The following MAP4 variants were observed in gnomAD, a reference collection of about 807,000 sequenced individuals.
MAP4 encodes microtubule-associated protein 4.
Under a neutral mutation model 170.2 loss-of-function variants are expected in MAP4, and 76 were observed. That is an observed-to-expected ratio of 0.45 (90% confidence interval 0.37 to 0.54). MAP4 has a LOEUF of 0.54. MAP4 is among the 20% of genes least tolerant of loss of function. The pLI is 0.00. For synonymous variants in MAP4, 909 were observed against 994.5 expected, an observed-to-expected ratio of 0.91 and a Z score of 1.62; for missense variants, 2,506 against 2,748.0, an observed-to-expected ratio of 0.91 and a Z score of 1.97.
intron 1 of MAP4, among the ~76,000 whole-genome samples, chr3:48,002,991 A>AAATAAATT (rs1393173347): frequency 1.0e-4 from 15 of 150,546 alleles, no homozygotes; most frequent in African/African-American, 1.7e-4. Context: ...ATAAATAAAT[A>AAATAAATT]AATTTAATTC....
At position 47,871,228 on chromosome 3, in the gene MAP4, T is replaced by TGGTAATACA. The variant is rs1559839871; in HGVS notation, c.5999_6000insTGTATTACC (p.Pro2000_Ala2001insValLeuPro). The TGGTAATACA allele has an allele frequency of 6.2e-7, 1 of 1,614,228 alleles. No homozygotes were observed. The highest frequency in any genetic ancestry group is 1.7e-5 in the Admixed American group (1 of 60,036). ...ACAAAATGGCGGATGGGCTATTACC[T>TGGTAATACA]GGTACAGACTTTGCAGTCATCTTCT... On this transcript the variant is annotated inframe_insertion and splice_region_variant, in exon 14 of 21. Coordinates refer to ENST00000683076, the MANE Select transcript of MAP4 (RefSeq NM_001385682.1).
Position 47,857,466 on chromosome 3 carries a change from T to G in MAP4, c.6548A>C (p.Lys2183Thr). The G allele has an allele frequency of 1.9e-6, 3 of 1,614,128 alleles. No individual in the cohort carries two copies. Among genetic ancestry groups the G allele is most frequent in the Non-Finnish European group, 2.5e-6 (3 of 1,179,986 alleles). ...KKVDISKVSS[K>T]CGSKANIKHK... Reference sequence around the variant, plus strand: ...CTTGATGTTAGCCTTAGACCCACACTTGGAGGAGACCTTAGAGATGTCCAC... The same window carrying G: ...CTTGATGTTAGCCTTAGACCCACACGTGGAGGAGACCTTAGAGATGTCCAC... The change falls in exon 18 of 21, where the codon AAG becomes ACG. Residue 2183 changes from lysine (K) to threonine (T), a missense_variant. By Grantham distance (78) the Lys-to-Thr change is moderately conservative. This residue lies in a region of MAP4 where 487 missense variants were observed against 511.6 expected (regional missense o/e 0.95). Transcript: ENST00000683076.
chr3:47,885,555 A>AT (rs1392285273), intron 10 of MAP4, among the ~76,000 whole-genome samples: 1 of 152,188 alleles, frequency 6.6e-6, no homozygotes, highest in African/African-American at 2.4e-5. Flanking sequence ...GCAGAAAACA[A>AT]TGAGATGATA....
chr3:47,968,103 A>G (rs1297205072), intron 3 of MAP4, among the ~76,000 whole-genome samples: 1 of 152,222 alleles, frequency 6.6e-6, no homozygotes, highest in Non-Finnish European at 1.5e-5. Flanking sequence ...TGAGAAATGT[A>G]AAAAGCATGT....
intron 1 of MAP4, among the ~76,000 whole-genome samples, chr3:48,057,774 G>A (rs2100133042): frequency 6.6e-6 from 1 of 152,108 alleles, no homozygotes; most frequent in Admixed American, 6.5e-5. Context: ...TCAATACCCT[G>A]GTTGTGATAT....
At chr3:48,005,205 C>CA (rs1350732748) in intron 1 of MAP4, among the ~76,000 whole-genome samples, 1 of 151,962 alleles carries the variant, frequency 6.6e-6, no homozygotes, top group East Asian at 1.9e-4. Flanking sequence ...ACTAAAAATA[C>CA]AAAAAATTAG....
intron 10 of MAP4, chr3:47,891,081 C>T: frequency 6.5e-7 from 1 of 1,534,024 alleles, no homozygotes; most frequent in Middle Eastern, 1.7e-4. Context: ...GCAGTGACCT[C>T]AATTTCTTTC....
At chr3:47,992,494 T>C (rs951293311) in intron 2 of MAP4, among the ~76,000 whole-genome samples, 4 of 152,106 alleles carry the variant, frequency 2.6e-5, no homozygotes, top group African/African-American at 4.8e-5. Context: ...GGTGCTTTTA[T>C]GGCTCACTGC....
At chr3:48,087,001 CCT>C (rs2100149393) in intron 1 of MAP4, among the ~76,000 whole-genome samples, 1 of 152,182 alleles carries the variant, frequency 6.6e-6, no homozygotes. Context: ...ATCTGTGTGA[CCT>C]CTTCTTCCCA....
At chr3:47,944,106 T>C (rs1469700522) in intron 3 of MAP4, among the ~76,000 whole-genome samples, 1 of 151,824 alleles carries the variant, frequency 6.6e-6, no homozygotes, top group Non-Finnish European at 1.5e-5. Context: ...GGTCAGGAGA[T>C]CAAGAACAGC....
chr3:47,939,015 G>C (rs973348403), intron 3 of MAP4, among the ~76,000 whole-genome samples: 1 of 152,198 alleles, frequency 6.6e-6, no homozygotes, highest in African/African-American at 2.4e-5. Flanking sequence ...GGAAAGTCAT[G>C]CAGTAAGTAT....
chr3:48,043,210 T>C (rs1232476638), intron 1 of MAP4, among the ~76,000 whole-genome samples: 1 of 152,138 alleles, frequency 6.6e-6, no homozygotes, highest in African/African-American at 2.4e-5. Flanking sequence ...AAGCGATTCT[T>C]GTGCCTCAGC....
intron 1 of MAP4, among the ~76,000 whole-genome samples, chr3:48,041,372 A>G (rs997751769): frequency 1.3e-5 from 2 of 152,108 alleles, no homozygotes; most frequent in Admixed American, 6.6e-5. Flanking sequence ...TTGGCCTCCC[A>G]AAGTGCTGAG....
intron 2 of MAP4, among the ~76,000 whole-genome samples, chr3:47,995,781 G>T (rs2100095211): frequency 6.6e-6 from 1 of 152,076 alleles, no homozygotes; most frequent in African/African-American, 2.4e-5. Flanking sequence ...CTAGTAGTAT[G>T]AAATCCAAAG....
intron 1 of MAP4, among the ~76,000 whole-genome samples, chr3:48,062,494 TAAAA>T (rs1156947592): frequency 3.7e-5 from 3 of 81,554 alleles, no homozygotes; most frequent in East Asian, 7.0e-4. Context: ...GAATGATCAA[TAAAA>T]AAAAAAAAAA....
intron 15 of MAP4, 73 bp downstream of exon 15, chr3:47,870,739 TG>T: frequency 6.9e-7 from 1 of 1,439,610 alleles, no homozygotes; most frequent in Non-Finnish European, 9.3e-7. Context: ...TTGGTGGGCC[TG>T]GGAACAGTGG....
chr3:47,912,095 T>A lies in MAP4; in HGVS notation c.2326A>T (p.Lys776Ter). ...IMMKKKKKKPKQKRYSQPRAG... is the reference protein window; with the variant it reads ...IMMKKKKKKP Reference sequence around the variant, plus strand: ...CGTGGTTGAGAATATCTCTTTTGCTTTGGTTTCTTCTTCTTTTTCTTCATC... The same window carrying A: ...CGTGGTTGAGAATATCTCTTTTGCTATGGTTTCTTCTTCTTTTTCTTCATC... Residue 776 changes from lysine (K) to a stop codon, truncating the protein, a stop_gained, in exon 9 of 21, where the codon AAG becomes TAG. Transcript: ENST00000683076. LOFTEE classifies it high-confidence loss of function. 1 of 1,536,136 alleles carries A rather than the reference T, an allele frequency of 6.5e-7. No individual in the cohort carries two copies. Among genetic ancestry groups the A allele is most frequent in the Non-Finnish European group, 8.7e-7 (1 of 1,146,906 alleles).
chr3:47,924,760 C>T (rs2100044843), intron 4 of MAP4, among the ~76,000 whole-genome samples: 1 of 152,094 alleles, frequency 6.6e-6, no homozygotes, highest in African/African-American at 2.4e-5. Flanking sequence ...CTCTCTATAT[C>T]AGCTGGCTTT....
At chr3:47,987,454 AAGTC>A in intron 2 of MAP4, 1 of 1,484,426 alleles carries the variant, frequency 6.7e-7, no homozygotes, top group South Asian at 1.3e-5. Context: ...AAGGGAACAG[AAGTC>A]AGGGAATGTT....
Sources: allele counts gnomAD v4.1 joint callset (sites outside exome capture counted in the v4.1 genomes callset), GRCh38; gene constraint gnomAD v4.1.1; regional missense constraint gnomAD v4.1.1; transcripts MANE v1.5; gene names NCBI Gene and HGNC (gene_info 2026-07-23, HGNC 2026-07-21).